Variants in GALNT18 observed in about 807,000 individuals in gnomAD.
The protein encoded by GALNT18 is polypeptide N-acetylgalactosaminyltransferase 18, also known as GalNAc-transferase 18.
GALNT18 carries 44 observed loss-of-function variants against 69.5 expected under a neutral mutation model. The observed-to-expected ratio is 0.63, with a 90% CI of 0.50 to 0.81. GALNT18 has a LOEUF of 0.81. Among genes scored for constraint, GALNT18 ranks in the 40% least tolerant of loss-of-function variants. GALNT18 has a pLI of 0.00. For synonymous variants in GALNT18, 364 were observed against 318.2 expected (o/e 1.14, Z -1.53); for missense variants, 715 against 810.0 (o/e 0.88, Z 1.42).
intron 1 of GALNT18, among the ~76,000 whole-genome samples, chr11:11,453,228 C>T (rs887228578): frequency 5.9e-5 from 9 of 152,224 alleles, no homozygotes; most frequent in African/African-American, 2.2e-4. Context: ...GACCCCTGGG[C>T]CAGGGGAAAC....
intron 7 of GALNT18, among the ~76,000 whole-genome samples, chr11:11,336,006 T>C (rs1357329995): frequency 2.6e-5 from 4 of 152,168 alleles, no homozygotes; most frequent in Admixed American, 6.5e-5. Flanking sequence ...GAAACAAATA[T>C]ATTAACTTAG....
At chr11:11,571,838 T>C (rs1224216110) in intron 1 of GALNT18, among the ~76,000 whole-genome samples, 2 of 152,216 alleles carry the variant, frequency 1.3e-5, no homozygotes, top group Non-Finnish European at 2.9e-5. Flanking sequence ...TCTCTAAAAC[T>C]TACTGACGAC....
chr11:11,423,658 G>A (rs767772186), intron 3 of GALNT18, among the ~76,000 whole-genome samples: 1 of 152,188 alleles, frequency 6.6e-6, no homozygotes, highest in Non-Finnish European at 1.5e-5. Flanking sequence ...AGGGAATGGA[G>A]AAAAGGGATA....
chr11:11,594,830 TATATATATATACAC>T (rs1418995996), intron 1 of GALNT18, among the ~76,000 whole-genome samples: 3 of 30,226 alleles, frequency 9.9e-5, no homozygotes, highest in African/African-American at 1.8e-4. Flanking sequence ...TATATATATA[TATATATATATACAC>T]ATATACATAC....
chr11:11,599,620 G>T (rs1859585334), intron 1 of GALNT18, among the ~76,000 whole-genome samples: 1 of 151,878 alleles, frequency 6.6e-6, no homozygotes, highest in Non-Finnish European at 1.5e-5. Flanking sequence ...ATATAGTTGG[G>T]TTTATATCTG....
rs545874012 is a variant in GALNT18 at position 11,367,821 on chromosome 11, T to C, written c.1092+4694A>G. ...AATTTAACAAGTCTTACATTTTCCA[T>C]AGAAATCTTTGCATACATGTATGTA... On this transcript the variant is annotated intron_variant, in intron 6 of 10. Coordinates refer to ENST00000227756, the MANE Select transcript of GALNT18 (RefSeq NM_198516.3). Among the ~76,000 whole-genome samples the C allele has an allele frequency of 2.6e-5, 4 of 152,350 alleles. No homozygotes were observed. The East Asian group carries it at 7.7e-4, about 29-fold the overall frequency.
intron 2 of GALNT18, among the ~76,000 whole-genome samples, chr11:11,446,980 C>CA (rs1855669219): frequency 6.6e-6 from 1 of 152,166 alleles, no homozygotes; most frequent in African/African-American, 2.4e-5. Flanking sequence ...GCCTTGGCAT[C>CA]AGGATTGTTT....
chr11:11,306,428 G>A lies in GALNT18; in HGVS notation c.1513-13235C>T, dbSNP rs556939635. Among the ~76,000 whole-genome samples, 98 of 152,142 alleles carry A rather than the reference G, an allele frequency of 6.4e-4. 1 individual carries two copies. Among genetic ancestry groups the A allele is most frequent in the Admixed American group, 3.8e-3 (58 of 15,278 alleles). ...ATGGAGTTCATGTGGATAAAATAAT[G>A]GTGGCTGATTTTAATCTGCAGATAT... On this transcript the variant is annotated intron_variant, in intron 9 of 10. Coordinates refer to ENST00000227756, the MANE Select transcript of GALNT18 (RefSeq NM_198516.3).
chr11:11,423,449 A>G (rs2082479303), intron 3 of GALNT18, among the ~76,000 whole-genome samples: 1 of 152,192 alleles, frequency 6.6e-6, no homozygotes, highest in Non-Finnish European at 1.5e-5. Flanking sequence ...GACCTAAAGC[A>G]TGGCTGCCAA....
intron 1 of GALNT18, among the ~76,000 whole-genome samples, chr11:11,513,252 T>C (rs1333032905): frequency 6.6e-6 from 1 of 152,188 alleles, no homozygotes; most frequent in Non-Finnish European, 1.5e-5. Flanking sequence ...ATGGGAATCA[T>C]AAACCTCCCT....
intron 1 of GALNT18, among the ~76,000 whole-genome samples, chr11:11,472,255 T>C (rs1450178764): frequency 6.6e-6 from 1 of 152,192 alleles, no homozygotes. Flanking sequence ...CTGGTGCCAA[T>C]GCCTGGCTAT....
rs559906004 is a variant in GALNT18, at chr11:11,474,046, A to G, written c.236-25110T>C. On this transcript the variant is annotated intron_variant, in intron 1 of 10. Transcript: ENST00000227756. ...GACACTGCACTCCAGCCTGGGCGAC[A>G]GAGTAAGACTCCATCTCAAAACAAA... 1.7e-3 allele frequency among the ~76,000 whole-genome samples: 264 copies of G among 152,350 alleles called. 1 individual carries two copies. The highest frequency in any genetic ancestry group is 6.2e-3 in the African/African-American group (259 of 41,582).
chr11:11,310,563 G>A (rs961534112), intron 9 of GALNT18, among the ~76,000 whole-genome samples: 1 of 152,078 alleles, frequency 6.6e-6, no homozygotes, highest in Non-Finnish European at 1.5e-5. Flanking sequence ...CTTTTAAAAA[G>A]TGTCCTTCAC....
At chr11:11,420,116 T>G (rs1245157818) in intron 3 of GALNT18, among the ~76,000 whole-genome samples, 1 of 151,784 alleles carries the variant, frequency 6.6e-6, no homozygotes, top group African/African-American at 2.4e-5. Flanking sequence ...GGACTCTCAT[T>G]TTTGAAAGAA....
At chr11:11,458,644 G>C (rs1330157632) in intron 1 of GALNT18, among the ~76,000 whole-genome samples, 1 of 152,226 alleles carries the variant, frequency 6.6e-6, no homozygotes, top group Non-Finnish European at 1.5e-5. Context: ...GTTCACCCGA[G>C]CACTGCTAAT....
chr11:11,507,002 C>G (rs1280497721), intron 1 of GALNT18, among the ~76,000 whole-genome samples: 1 of 152,192 alleles, frequency 6.6e-6, no homozygotes, highest in Admixed American at 6.5e-5. Flanking sequence ...AGAGCACCTG[C>G]AAGAAAGTTA....
Position 11,384,180 on chromosome 11 carries a change from T to C in GALNT18, c.596-4916A>G, listed in dbSNP as rs942937494. Among the ~76,000 whole-genome samples, 3 of 152,244 alleles carry C rather than the reference T, an allele frequency of 2.0e-5. No homozygotes were observed. In the East Asian group the frequency reaches 5.8e-4, roughly 29 times the overall value. On this transcript the variant is annotated intron_variant, in intron 3 of 10. Transcript: ENST00000227756. ...TTATTTATTCCCCAAATTGATTATG[T>C]TGAAATCCTAACCCCCAGTGTGATG...
intron 6 of GALNT18, among the ~76,000 whole-genome samples, chr11:11,370,515 C>G (rs1360799328): frequency 6.6e-6 from 1 of 151,934 alleles, no homozygotes; most frequent in Non-Finnish European, 1.5e-5. Context: ...TGTTGGTTCT[C>G]TGTTTTAAAT....
chr11:11,522,533 T>C (rs558793749), intron 1 of GALNT18, among the ~76,000 whole-genome samples: 1 of 152,210 alleles, frequency 6.6e-6, no homozygotes, highest in South Asian at 2.1e-4. Flanking sequence ...GCGTCAGCTG[T>C]CCCACCACCA....
Sources: gnomAD v4.1 joint callset for allele counts (sites outside exome capture counted in the v4.1 genomes callset) on GRCh38, gnomAD v4.1.1 for gene constraint, MANE v1.5 for transcripts, NCBI Gene and HGNC (gene_info 2026-07-23, HGNC 2026-07-21) for gene names.